NUP153: variants seen among roughly 807,000 people sequenced by gnomAD.
The protein encoded by NUP153 is nucleoporin 153.
NUP153 carries 27 observed loss-of-function variants against 134.6 expected under a neutral mutation model. The ratio of observed to expected loss-of-function variants is 0.20; its 90% CI spans 0.15 to 0.28. NUP153 has a LOEUF of 0.28. NUP153 is among the 10% of genes least tolerant of loss of function. The probability of loss-of-function intolerance (pLI) is 1.00; values close to 1 mark genes in which losing one functional copy is unlikely to be tolerated. For synonymous variants in NUP153, 640 were observed against 623.5 expected (o/e 1.03, Z -0.40); for missense variants, 1,821 against 1,731.3 (o/e 1.05, Z -0.92).
chr6:17,660,614 G>C (rs1767119138), intron 11 of NUP153, among the ~76,000 whole-genome samples: 2 of 151,274 alleles, frequency 1.3e-5, no homozygotes, highest in Admixed American at 1.3e-4. Flanking sequence ...ATCCCTACAG[G>C]AAATAACCCC....
At position 17,675,735 on chromosome 6, in the gene NUP153, C is replaced by T; in HGVS notation, c.370G>A (p.Asp124Asn). The T allele has an allele frequency of 6.2e-7, 1 of 1,613,752 alleles. No individual in the cohort carries two copies. Among genetic ancestry groups the T allele is most frequent in the Non-Finnish European group, 8.5e-7 (1 of 1,179,678 alleles). The change falls in exon 3 of 22, where the codon GAT becomes AAT. Residue 124 changes from aspartate to asparagine, a missense_variant. Transcript: ENST00000262077. The surrounding 1 kb of genome is among the most constrained non-coding windows in gnomAD (Gnocchi z 4.4). The part of the protein sequence containing the change: ...STTSTASNYP[D>N]VLTRPSLHRS... ...TGAAGAGAAGGCCTTGTTAACACAT[C>T]TGGATAATTTGAAGCAGTACTAGTT...
intron 1 of NUP153, among the ~76,000 whole-genome samples, chr6:17,692,075 G>C (rs951164307): frequency 2.6e-5 from 4 of 152,164 alleles, no homozygotes; most frequent in African/African-American, 9.7e-5. Context: ...CATCTGGAAG[G>C]CAAGTATAGA....
At chr6:17,640,157 T>A in intron 14 of NUP153, 93 bp from the exon 15 acceptor site, 1 of 973,832 alleles carries the variant, frequency 1.0e-6, no homozygotes, top group Non-Finnish European at 1.4e-6. Context: ...ATCTTTTGGA[T>A]TAATTTCTAA....
intron 20 of NUP153, 34 bp from the exon 21 acceptor site, chr6:17,616,729 G>A: frequency 8.9e-6 from 14 of 1,580,082 alleles, no homozygotes; most frequent in Non-Finnish European, 1.2e-5. Context: ...CTTCATTAGG[G>A]CAAAATGATA....
intron 1 of NUP153, among the ~76,000 whole-genome samples, chr6:17,704,905 G>A (rs1360943720): frequency 1.3e-5 from 2 of 152,020 alleles, no homozygotes; most frequent in African/African-American, 2.4e-5. Context: ...GACTACAGGC[G>A]CCTGCCACCA....
Position 17,629,472 on chromosome 6 carries a change from T to A in NUP153, c.2727A>T (p.Ser909=), listed in dbSNP as rs1486206982. 11 of 1,610,482 alleles carry A rather than the reference T, an allele frequency of 6.8e-6. No homozygotes were observed. The African/African-American group carries it at 1.5e-4, about 22-fold the overall frequency. Residue 909 remains serine (S), a synonymous_variant, in exon 18 of 22, where the codon TCA becomes TCT. Transcript: ENST00000262077. Reference sequence around the variant, plus strand: ...AAGTCTGAGAAGGCCCAGAAGAGGATGATGAGACACCAAATTTGAAGGATG... The same window carrying A: ...AAGTCTGAGAAGGCCCAGAAGAGGAAGATGAGACACCAAATTTGAAGGATG... The part of the protein sequence containing the change: ...ASSSFKFGVS[S]SSSGPSQTLT...
chr6:17,616,204 A>G (rs757253210), intron 21 of NUP153, 23 bp from the exon 22 acceptor site: 10 of 1,440,530 alleles, frequency 6.9e-6, no homozygotes, highest in African/African-American at 4.3e-5. Flanking sequence ...AAAACTTCAT[A>G]ATGTGACATG....
In NUP153 at chr6:17,675,015, T is replaced by C. The variant is rs2228375; in HGVS notation, c.742A>G (p.Ile248Val). ...TCTCCAAGCTGACTGGTTTTAAGGA[T>C]TGAAGAATTCCCAAGTGACTGCACA... ...TLSPSLGNSS[I>V]LKTSQLGDSP... Residue 248 changes from isoleucine (I) to valine (V), a missense_variant, in exon 5 of 22, where the codon ATC becomes GTC. Physicochemically the swap from Ile to Val is conservative, Grantham distance 29. Transcript: ENST00000262077. The surrounding 1 kb of genome is among the most constrained non-coding windows in gnomAD (Gnocchi z 4.4). The C allele has an allele frequency of 0.28, 446,154 of 1,611,726 alleles. 68,397 individuals carry two copies. The highest frequency in any genetic ancestry group is 0.31 in the Admixed American group (18,473 of 59,676).
At position 17,632,785 on chromosome 6, in the gene NUP153, A is replaced by G; in HGVS notation, c.2524T>C (p.Ser842Pro). The G allele has an allele frequency of 6.6e-7, 1 of 1,525,302 alleles. No homozygotes were observed. Among genetic ancestry groups the G allele is most frequent in the Non-Finnish European group, 8.9e-7 (1 of 1,125,878 alleles). 94.5% of individuals were successfully genotyped at this position (1,525,302 alleles called of 1,614,324 possible). ...TTCTTGAACTTTTCCAATCCTAGAGAGCCTCCAGAAGGCAGAGAGACAGGT... is the reference window on the plus strand; with the variant it reads ...TTCTTGAACTTTTCCAATCCTAGAGGGCCTCCAGAAGGCAGAGAGACAGGT... ...TVPVSLPSGG[S>P]LGLEKFKKPE... Residue 842 changes from serine (S) to proline (P), a missense_variant, in exon 17 of 22, where the codon TCT becomes CCT. Physicochemically the swap from Ser to Pro is moderately conservative, Grantham distance 74. Coordinates refer to ENST00000262077, the MANE Select transcript of NUP153 (RefSeq NM_005124.4).
At position 17,661,538 on chromosome 6, in the gene NUP153, C is replaced by T; in HGVS notation, c.1395+115G>A. 3 of 881,740 alleles carry T rather than the reference C, an allele frequency of 3.4e-6. No homozygotes were observed. In the East Asian group the frequency reaches 8.9e-5, roughly 26 times the overall value. The allele number at this position is 881,740 out of a possible 1,614,324, so 54.6% of individuals were successfully genotyped here. A position where few individuals can be genotyped will look rare whatever the true frequency, so the allele number is the denominator to read the frequency against. ...CATTTTGAAAGAACTGATTCAATAGCAGATTAATTTTGCTCTGGGTCTCTT... is the reference window on the plus strand; with the variant it reads ...CATTTTGAAAGAACTGATTCAATAGTAGATTAATTTTGCTCTGGGTCTCTT... On this transcript the variant is annotated intron_variant, in intron 11 of 21. Coordinates refer to ENST00000262077, the MANE Select transcript of NUP153 (RefSeq NM_005124.4).
intron 1 of NUP153, among the ~76,000 whole-genome samples, chr6:17,696,302 T>C (rs977580338): frequency 3.3e-5 from 5 of 152,170 alleles, no homozygotes; most frequent in Non-Finnish European, 7.3e-5. Context: ...GGTTTTCTTA[T>C]GGAAGAAAAG....
intron 8 of NUP153, among the ~76,000 whole-genome samples, chr6:17,668,383 C>T (rs922461148): frequency 6.6e-6 from 1 of 151,786 alleles, no homozygotes; most frequent in African/African-American, 2.4e-5. Context: ...CCTGGCCGAT[C>T]ACTCCTATTT....
intron 11 of NUP153, among the ~76,000 whole-genome samples, chr6:17,653,097 T>TA (rs142159248): frequency 6.6e-6 from 1 of 151,810 alleles, no homozygotes; most frequent in South Asian, 2.1e-4. Flanking sequence ...TAATGAAATA[T>TA]AAAAAATTAG....
At chr6:17,656,705 C>G (rs968575673) in intron 11 of NUP153, among the ~76,000 whole-genome samples, 3 of 152,178 alleles carry the variant, frequency 2.0e-5, no homozygotes, top group African/African-American at 7.2e-5. Flanking sequence ...CAGCTCAAAT[C>G]TGTCTCCCCG....
intron 8 of NUP153, 149 bp from the exon 9 acceptor site, chr6:17,665,534 GATA>G: frequency 1.6e-6 from 1 of 608,360 alleles, no homozygotes; most frequent in Non-Finnish European, 2.8e-6. Flanking sequence ...AGGAAAAACT[GATA>G]ATAATGGAAC....
chr6:17,637,074 A>T, intron 16 of NUP153, 79 bp downstream of exon 16: 3 of 1,367,682 alleles, frequency 2.2e-6, no homozygotes, highest in Non-Finnish European at 3.0e-6. Context: ...TGAAACATCT[A>T]AAACAAGGAT....
intron 5 of NUP153, 44 bp from the exon 6 acceptor site, chr6:17,669,590 A>T: frequency 7.8e-7 from 1 of 1,286,626 alleles, no homozygotes; most frequent in Non-Finnish European, 1.1e-6. Context: ...ATAAAATCTA[A>T]GGCACATATT....
rs368448871 is a variant in NUP153 at position 17,616,063 on chromosome 6, G to C, written c.*34C>G. On this transcript the variant is annotated 3_prime_UTR_variant, in exon 22 of 22. Transcript: ENST00000262077. ...AGTATCTGAAAGCAGGGCACCAGCT[G>C]TTGTTAAAATTGAGTACAACACCAA... 2.1e-6 allele frequency: 3 copies of C among 1,446,990 alleles called. No individual in the cohort carries two copies. Among genetic ancestry groups the C allele is most frequent in the Non-Finnish European group, 2.9e-6 (3 of 1,027,822 alleles). The allele number at this position is 1,446,990 out of a possible 1,614,324, so 89.6% of individuals were successfully genotyped here.
chr6:17,644,873 T>A (rs1287501774), intron 14 of NUP153, among the ~76,000 whole-genome samples: 1 of 151,898 alleles, frequency 6.6e-6, no homozygotes, highest in Non-Finnish European at 1.5e-5. Flanking sequence ...ATCACGAGGT[T>A]AGGAGATCGA....
Sources: gnomAD v4.1 joint callset for allele counts (sites outside exome capture counted in the v4.1 genomes callset) on GRCh38, gnomAD v4.1.1 for gene constraint, Gnocchi (gnomAD v3.1) non-coding constraint, MANE v1.5 for transcripts, NCBI Gene and HGNC (gene_info 2026-07-23, HGNC 2026-07-21) for gene names.